CRIM1: variants seen among roughly 807,000 people sequenced by gnomAD.
CRIM1 encodes cysteine-rich motor neuron 1 protein.
Under a neutral mutation model 116.4 loss-of-function variants are expected in CRIM1, and 32 were observed. The ratio of observed to expected loss-of-function variants is 0.27; its 90% CI spans 0.21 to 0.37. CRIM1 has a LOEUF of 0.37. Among genes scored for constraint, CRIM1 ranks in the 10% least tolerant of loss-of-function variants. CRIM1 has a pLI of 1.00. For missense variants in CRIM1, 1,331 were observed against 1,354.8 expected (o/e 0.98, Z 0.28); for synonymous variants, 590 against 509.2 (o/e 1.16, Z -2.13).
intron 15 of CRIM1, among the ~76,000 whole-genome samples, chr2:36,546,655 A>G (rs1419060983): frequency 6.7e-6 from 1 of 150,162 alleles, no homozygotes; most frequent in African/African-American, 2.5e-5. Flanking sequence ...TAATCAAAAT[A>G]TTTTCATGGT....
At position 36,533,746 on chromosome 2, in the gene CRIM1, A is replaced by G. The variant is rs192564176; in HGVS notation, c.2429-3606A>G. 2.6e-5 allele frequency among the ~76,000 whole-genome samples: 4 copies of G among 152,350 alleles called. No individual in the cohort carries two copies. The East Asian group carries it at 5.8e-4, about 22-fold the overall frequency. ...TATTTACATAAACCCTGTATGCTGTAGCTCAGCATTTGATCTTTGATATTT... is the reference window on the plus strand; with the variant it reads ...TATTTACATAAACCCTGTATGCTGTGGCTCAGCATTTGATCTTTGATATTT... On this transcript the variant is annotated intron_variant, in intron 13 of 16. Transcript: ENST00000280527.
At chr2:36,376,558 T>C (rs1441411567) in intron 1 of CRIM1, among the ~76,000 whole-genome samples, 1 of 152,090 alleles carries the variant, frequency 6.6e-6, no homozygotes, top group African/African-American at 2.4e-5. Context: ...GGTGTAAACA[T>C]AGTTTGAGGG....
chr2:36,513,748 G>A lies in CRIM1; in HGVS notation c.1973G>A (p.Cys658Tyr). ...AACCCCACCATTCACCCTGGACAGTGCTGCCCATCATGTGCAGGTAAAAGC... is the reference window on the plus strand; with the variant it reads ...AACCCCACCATTCACCCTGGACAGTACTGCCCATCATGTGCAGGTAAAAGC... ...CGNPTIHPGQ[C>Y]CPSCADDFVV... The change falls in exon 11 of 17, where the codon TGC becomes TAC. Residue 658 changes from cysteine (C) to tyrosine (Y), a missense_variant. By Grantham distance (194) the Cys-to-Tyr change is radical. Coordinates refer to ENST00000280527, the MANE Select transcript of CRIM1 (RefSeq NM_016441.3). The A allele has an allele frequency of 6.2e-7, 1 of 1,614,094 alleles. No homozygotes were observed. The highest frequency in any genetic ancestry group is 8.5e-7 in the Non-Finnish European group (1 of 1,179,962).
intron 4 of CRIM1, among the ~76,000 whole-genome samples, chr2:36,447,535 T>C (rs918526286): frequency 6.6e-6 from 1 of 152,152 alleles, no homozygotes; most frequent in Non-Finnish European, 1.5e-5. Flanking sequence ...CCTCCCATGT[T>C]TGGAAACTCA....
chr2:36,496,339 T>C (rs1438189802), intron 7 of CRIM1, among the ~76,000 whole-genome samples: 2 of 152,208 alleles, frequency 1.3e-5, no homozygotes, highest in Non-Finnish European at 2.9e-5. Flanking sequence ...ATAGTTCTAA[T>C]GTAAATTGAA....
intron 11 of CRIM1, among the ~76,000 whole-genome samples, chr2:36,514,033 T>A (rs1664873967): frequency 6.6e-6 from 1 of 152,222 alleles, no homozygotes; most frequent in South Asian, 2.1e-4. Context: ...TGGACTACAT[T>A]TTTGTAAAGG....
chr2:36,472,831 T>C (rs1053959644), intron 5 of CRIM1, among the ~76,000 whole-genome samples: 8 of 152,252 alleles, frequency 5.3e-5, no homozygotes, highest in African/African-American at 1.4e-4. Context: ...TTGGAACTTA[T>C]AGTGTAGCTG....
chr2:36,424,298 G>A lies in CRIM1; in HGVS notation c.506-16960G>A, dbSNP rs56063975. Among the ~76,000 whole-genome samples the A allele has an allele frequency of 9.8e-3, 1,496 of 152,292 alleles. 19 individuals are homozygous for A. The highest frequency in any genetic ancestry group is 0.035 in the African/African-American group (1,445 of 41,560). ...ATGAAGAGATATTCACAGAGGAGAAGGCTTTTGCTTAAAGATGACCACAGT... is the reference window on the plus strand; with the variant it reads ...ATGAAGAGATATTCACAGAGGAGAAAGCTTTTGCTTAAAGATGACCACAGT... On this transcript the variant is annotated intron_variant, in intron 2 of 16. Coordinates refer to ENST00000280527, the MANE Select transcript of CRIM1 (RefSeq NM_016441.3).
chr2:36,381,447 G>A (rs1343820765), intron 1 of CRIM1, among the ~76,000 whole-genome samples: 1 of 152,226 alleles, frequency 6.6e-6, no homozygotes, highest in Non-Finnish European at 1.5e-5. Context: ...TGCCAGAGCA[G>A]TTGGGGTGAG....
intron 2 of CRIM1, 67 bp from the exon 3 acceptor site, chr2:36,441,187 CTGTT>C (rs1675789798): frequency 9.4e-6 from 15 of 1,590,902 alleles, no homozygotes; most frequent in Non-Finnish European, 1.2e-5. Flanking sequence ...ATCATCAGGA[CTGTT>C]TGTTCTTCTG....
At chr2:36,537,654 T>C in intron 14 of CRIM1, 108 bp downstream of exon 14, 2 of 1,252,790 alleles carry the variant, frequency 1.6e-6, no homozygotes, top group Non-Finnish European at 2.2e-6. Context: ...ACGGCCCAAG[T>C]AGCGTGTCAG....
chr2:36,357,027 C>A (rs1668875364), intron 1 of CRIM1, among the ~76,000 whole-genome samples: 1 of 152,236 alleles, frequency 6.6e-6, no homozygotes, highest in Non-Finnish European at 1.5e-5. Context: ...CCTCCCCGCA[C>A]TGGCGCAGTG....
intron 1 of CRIM1, among the ~76,000 whole-genome samples, chr2:36,363,752 A>T (rs1558500699): frequency 1.3e-5 from 2 of 152,144 alleles, no homozygotes; most frequent in Admixed American, 6.5e-5. Flanking sequence ...GCTTCACATT[A>T]TCTTCTGGGA....
chr2:36,485,938 TA>T (rs1438854532), intron 7 of CRIM1, among the ~76,000 whole-genome samples: 1 of 152,264 alleles, frequency 6.6e-6, no homozygotes, highest in African/African-American at 2.4e-5. Flanking sequence ...TAACACAGTC[TA>T]TTTTTTGCTT....
At chr2:36,489,220 C>A (rs1314058584) in intron 7 of CRIM1, among the ~76,000 whole-genome samples, 1 of 152,100 alleles carries the variant, frequency 6.6e-6, no homozygotes, top group Non-Finnish European at 1.5e-5. Context: ...CCTTAGTTTG[C>A]CTATCAGTAG....
intron 2 of CRIM1, among the ~76,000 whole-genome samples, chr2:36,433,065 A>G (rs1213570947): frequency 6.6e-6 from 1 of 152,186 alleles, no homozygotes; most frequent in Non-Finnish European, 1.5e-5. Context: ...TTGCACTTCT[A>G]GCGAGCTCCT....
At chr2:36,359,254 CTTAT>C (rs1558495781) in intron 1 of CRIM1, among the ~76,000 whole-genome samples, 2 of 152,146 alleles carry the variant, frequency 1.3e-5, no homozygotes, top group African/African-American at 2.4e-5. Flanking sequence ...CTCTTGAAAA[CTTAT>C]TTAATTGGCT....
chr2:36,537,875 A>G (rs1666663476), intron 14 of CRIM1, among the ~76,000 whole-genome samples: 1 of 152,234 alleles, frequency 6.6e-6, no homozygotes, highest in Admixed American at 6.5e-5. Context: ...TAGCCTAGAG[A>G]AGATGGTCCA....
At chr2:36,503,542 C>A (rs367975698) in intron 8 of CRIM1, among the ~76,000 whole-genome samples, 201 of 152,242 alleles carry the variant, frequency 1.3e-3, no homozygotes, top group African/African-American at 4.4e-3. Flanking sequence ...TCCCCGCCCC[C>A]CTTTGTTCCC....
Sources: gnomAD v4.1 joint callset for allele counts (sites outside exome capture counted in the v4.1 genomes callset) on GRCh38, gnomAD v4.1.1 for gene constraint, MANE v1.5 for transcripts, NCBI Gene and HGNC (gene_info 2026-07-23, HGNC 2026-07-21) for gene names.